BBS9: variants seen among roughly 807,000 people sequenced by gnomAD.
BBS9 encodes Bardet-Biedl syndrome 9.
Under a neutral mutation model 117.7 loss-of-function variants are expected in BBS9, and 89 were observed. That is an observed-to-expected ratio of 0.76 (90% CI 0.64 to 0.90). The LOEUF (loss-of-function observed/expected upper bound fraction) is 0.90. Ranked by LOEUF, BBS9 falls within the 40% of genes least tolerant of loss-of-function variation. The pLI, the probability that BBS9 is intolerant of heterozygous loss-of-function variation, is 0.00. For synonymous variants in BBS9, 379 were observed against 370.9 expected, an observed-to-expected ratio of 1.02 and a Z score of -0.25; for missense variants, 982 against 1,042.2, an observed-to-expected ratio of 0.94 and a Z score of 0.80.
At chr7:33,292,640 C>A (rs1475317079) in intron 9 of BBS9, among the ~76,000 whole-genome samples, 1 of 152,092 alleles carries the variant, frequency 6.6e-6, no homozygotes, top group Non-Finnish European at 1.5e-5. Context: ...GTGATAATTG[C>A]AATTTGAACT....
At chr7:33,212,119 A>G (rs1788139822) in intron 5 of BBS9, among the ~76,000 whole-genome samples, 1 of 152,106 alleles carries the variant, frequency 6.6e-6, no homozygotes, top group Non-Finnish European at 1.5e-5. Flanking sequence ...ATATTTCTCT[A>G]GGTTTGGGAA....
intron 15 of BBS9, 145 bp downstream of exon 15, chr7:33,353,018 TCTG>T: frequency 1.2e-6 from 1 of 805,456 alleles, no homozygotes; most frequent in Non-Finnish European, 2.0e-6. Context: ...GTGCCTTGAT[TCTG>T]CTATGGAGAG....
At chr7:33,358,146 G>A in intron 16 of BBS9, 151 bp downstream of exon 16, 1 of 916,298 alleles carries the variant, frequency 1.1e-6, no homozygotes, top group Admixed American at 2.1e-5. Flanking sequence ...TCCTTTGCCT[G>A]TTCAAAGGTG....
chr7:33,314,840 G>T (rs902506643), intron 9 of BBS9, among the ~76,000 whole-genome samples: 1 of 152,118 alleles, frequency 6.6e-6, no homozygotes, highest in East Asian at 1.9e-4. Flanking sequence ...CTATTTTGTG[G>T]GGATAGTGAG....
At chr7:33,535,204 T>A (rs1851191607) in intron 21 of BBS9, among the ~76,000 whole-genome samples, 1 of 152,166 alleles carries the variant, frequency 6.6e-6, no homozygotes, top group Non-Finnish European at 1.5e-5. Flanking sequence ...TGACCCTGAG[T>A]ATGTTACTTT....
In BBS9 at chr7:33,224,541, T is replaced by TA. The variant is rs144034453; in HGVS notation, c.443-32689dup. On this transcript the variant is annotated intron_variant, in intron 5 of 22. Coordinates refer to ENST00000242067, the MANE Select transcript of BBS9 (RefSeq NM_198428.3). ...TTAGTAACACCAAATTTTTCTGGCT[T>TA]AAAAAATATGTTAATAGATTAACAA... 1.1e-3 allele frequency among the ~76,000 whole-genome samples: 172 copies of TA among 152,344 alleles called. 3 individuals are homozygous for TA. In the East Asian group the frequency reaches 0.032, roughly 29 times the overall value.
At chr7:33,279,959 C>T (rs1323931201) in intron 9 of BBS9, among the ~76,000 whole-genome samples, 1 of 152,128 alleles carries the variant, frequency 6.6e-6, no homozygotes, top group Admixed American at 6.5e-5. Flanking sequence ...TTGAATGAAA[C>T]TTCACAAAGA....
chr7:33,521,932 T>G (rs1445973174), intron 20 of BBS9, among the ~76,000 whole-genome samples: 2 of 126,276 alleles, frequency 1.6e-5, no homozygotes, highest in East Asian at 2.5e-4. Flanking sequence ...GAGTGTGATA[T>G]TCCCCTTCCT....
At chr7:33,565,191 C>CA (rs1856661131) in intron 21 of BBS9, among the ~76,000 whole-genome samples, 1 of 152,160 alleles carries the variant, frequency 6.6e-6, no homozygotes, top group Non-Finnish European at 1.5e-5. Context: ...TCTTCATTGT[C>CA]TTCTGTCCTT....
At chr7:33,330,588 T>A (rs1365702983) in intron 9 of BBS9, among the ~76,000 whole-genome samples, 4 of 152,194 alleles carry the variant, frequency 2.6e-5, no homozygotes, top group Non-Finnish European at 5.9e-5. Flanking sequence ...TTCATATTTT[T>A]AAATTGAACT....
intron 9 of BBS9, among the ~76,000 whole-genome samples, chr7:33,284,012 A>G (rs750108278): frequency 1.3e-5 from 2 of 152,028 alleles, no homozygotes; most frequent in Non-Finnish European, 2.9e-5. Context: ...TTCTGTCTTC[A>G]TTGGTTAGGA....
intron 19 of BBS9, among the ~76,000 whole-genome samples, chr7:33,488,503 C>T (rs1401501626): frequency 1.3e-5 from 2 of 152,136 alleles, no homozygotes; most frequent in East Asian, 3.9e-4. Flanking sequence ...TACTAACCTC[C>T]TGTGTGATTT....
At chr7:33,392,210 T>C (rs1827186778) in intron 19 of BBS9, among the ~76,000 whole-genome samples, 1 of 152,178 alleles carries the variant, frequency 6.6e-6, no homozygotes, top group South Asian at 2.1e-4. Context: ...CAAACCTTAG[T>C]GGCTTAAAAC....
rs538142153 is a variant in BBS9, at chr7:33,412,657, C to T, written c.2115+24513C>T. ...TTGTCACTATGGAATTTTTAAGATC[C>T]TTTTTTGCTTAAAAAGCAATTGTCA... is the stretch of plus-strand genomic sequence containing the variant. On this transcript the variant is annotated intron_variant, in intron 19 of 22. Coordinates refer to ENST00000242067, the MANE Select transcript of BBS9 (RefSeq NM_198428.3). 5.9e-5 allele frequency among the ~76,000 whole-genome samples: 9 copies of T among 152,208 alleles called. No individual in the cohort carries two copies. The South Asian group carries it at 8.3e-4, about 14-fold the overall frequency.
At chr7:33,381,436 G>C (rs575220158) in intron 17 of BBS9, among the ~76,000 whole-genome samples, 1 of 152,056 alleles carries the variant, frequency 6.6e-6, no homozygotes, top group Admixed American at 6.6e-5. Context: ...ACTGAGTTAC[G>C]TAAATGAATG....
At chr7:33,607,474 A>G (rs1421440452), downstream of BBS9, among the ~76,000 whole-genome samples, 2 of 152,166 alleles carry the variant, frequency 1.3e-5, no homozygotes, top group East Asian at 3.8e-4. Flanking sequence ...AACATTAGTT[A>G]CAAAAATGAA....
At chr7:33,602,818 G>A (rs1213676282) in intron 21 of BBS9, among the ~76,000 whole-genome samples, 1 of 152,144 alleles carries the variant, frequency 6.6e-6, no homozygotes, top group African/African-American at 2.4e-5. Flanking sequence ...AGTCTGAGGA[G>A]GTGCATGCAA....
downstream of BBS9, among the ~76,000 whole-genome samples, chr7:33,610,443 C>T (rs540406599): frequency 7.6e-4 from 115 of 152,236 alleles, no homozygotes; most frequent in African/African-American, 1.9e-3. Context: ...ACTTCCAAGA[C>T]GGCGCCTTGC....
chr7:33,172,485 C>A (rs1386547271), intron 4 of BBS9, among the ~76,000 whole-genome samples: 1 of 152,112 alleles, frequency 6.6e-6, no homozygotes. Context: ...CCAAAAACAG[C>A]TCACAGTCAA....
Sources: allele counts gnomAD v4.1 joint callset (sites outside exome capture counted in the v4.1 genomes callset), GRCh38; gene constraint gnomAD v4.1.1; transcripts MANE v1.5; gene names NCBI Gene and HGNC (gene_info 2026-07-23, HGNC 2026-07-21).